PTPRN2: variants seen among roughly 807,000 people sequenced by gnomAD.
The protein encoded by PTPRN2 is receptor-type tyrosine-protein phosphatase N2.
In PTPRN2, 74 loss-of-function variants were observed where a neutral mutation model predicts 118.8. The ratio of observed to expected loss-of-function variants is 0.62; its 90% CI spans 0.52 to 0.76. PTPRN2 has a LOEUF of 0.76. PTPRN2 is among the 30% of genes least tolerant of loss of function. PTPRN2 has a pLI of 0.00. For synonymous variants in PTPRN2, 641 were observed against 608.0 expected (o/e 1.05, Z -0.80); for missense variants, 1,481 against 1,394.4 (o/e 1.06, Z -0.99).
At chr7:158,004,734 C>T (rs1468245139) in intron 11 of PTPRN2, among the ~76,000 whole-genome samples, 1 of 152,216 alleles carries the variant, frequency 6.6e-6, no homozygotes, top group Non-Finnish European at 1.5e-5. Context: ...TACAAACCAT[C>T]TCCTTCAAGC....
intron 3 of PTPRN2, among the ~76,000 whole-genome samples, chr7:158,217,961 A>G (rs1828070487): frequency 6.6e-6 from 1 of 152,208 alleles, no homozygotes; most frequent in South Asian, 2.1e-4. Context: ...GACCAAAACT[A>G]TGACTCACTG....
chr7:158,238,016 C>T (rs1426402332), intron 3 of PTPRN2, among the ~76,000 whole-genome samples: 1 of 152,154 alleles, frequency 6.6e-6, no homozygotes, highest in African/African-American at 2.4e-5. Context: ...TCCCGACGTC[C>T]CTGGAGGCCA....
intron 2 of PTPRN2, among the ~76,000 whole-genome samples, chr7:158,480,216 G>A (rs1174985946): frequency 6.6e-6 from 1 of 152,142 alleles, no homozygotes; most frequent in East Asian, 1.9e-4. Context: ...CGTGCTCATC[G>A]CCTGTCTCTG....
At chr7:157,934,243 T>C (rs1799570770) in intron 11 of PTPRN2, among the ~76,000 whole-genome samples, 2 of 152,246 alleles carry the variant, frequency 1.3e-5, no homozygotes, top group African/African-American at 2.4e-5. Context: ...AGAGCTATTC[T>C]GTGGTTCTCC....
chr7:158,491,391 G>A (rs1485495979), intron 1 of PTPRN2, among the ~76,000 whole-genome samples: 1 of 152,332 alleles, frequency 6.6e-6, no homozygotes, highest in East Asian at 1.9e-4. Context: ...CAGGCGGGTG[G>A]ACACCCCACC....
intron 12 of PTPRN2, among the ~76,000 whole-genome samples, chr7:157,726,730 G>C (rs1452544077): frequency 6.6e-6 from 1 of 152,220 alleles, no homozygotes; most frequent in African/African-American, 2.4e-5. Flanking sequence ...CATATAAAGG[G>C]GGAAAAGATT....
At chr7:158,239,862 AG>A (rs1217564593) in intron 3 of PTPRN2, among the ~76,000 whole-genome samples, 1 of 152,216 alleles carries the variant, frequency 6.6e-6, no homozygotes, top group East Asian at 1.9e-4. Context: ...GGGGCACTGG[AG>A]GATGCTATAA....
At chr7:158,121,105 TTC>T (rs1563462538) in intron 9 of PTPRN2, among the ~76,000 whole-genome samples, 2 of 152,136 alleles carry the variant, frequency 1.3e-5, no homozygotes, top group African/African-American at 4.8e-5. Flanking sequence ...GCCTGGGCTT[TTC>T]TCTCTGCCTG....
At chr7:158,417,403 CTGTGT>C (rs1350350794) in intron 2 of PTPRN2, among the ~76,000 whole-genome samples, 2 of 151,688 alleles carry the variant, frequency 1.3e-5, no homozygotes, top group Admixed American at 1.3e-4. Flanking sequence ...CAGTGTCCCG[CTGTGT>C]TAAGTCATGG....
intron 12 of PTPRN2, among the ~76,000 whole-genome samples, chr7:157,891,254 G>A (rs568107481): frequency 3.5e-4 from 53 of 152,268 alleles, no homozygotes; most frequent in African/African-American, 1.3e-3. Context: ...CCAAGCAACC[G>A]GGTAGGAGCT....
intron 1 of PTPRN2, among the ~76,000 whole-genome samples, chr7:158,512,542 A>G (rs1434107258): frequency 1.3e-5 from 2 of 152,106 alleles, no homozygotes; most frequent in Non-Finnish European, 2.9e-5. Flanking sequence ...ACATGCACAC[A>G]CTCACACACA....
chr7:157,885,343 G>A (rs901415997), intron 12 of PTPRN2, among the ~76,000 whole-genome samples: 3 of 152,164 alleles, frequency 2.0e-5, no homozygotes, highest in Non-Finnish European at 1.5e-5. Flanking sequence ...GTGGGCCTGG[G>A]CTGGGGGCAT....
intron 12 of PTPRN2, among the ~76,000 whole-genome samples, chr7:157,810,890 C>A (rs1041325864): frequency 2.0e-5 from 3 of 152,114 alleles, no homozygotes; most frequent in Admixed American, 6.5e-5. Flanking sequence ...CCCTCCCCAG[C>A]CACATCGGGG....
chr7:157,686,409 C>T (rs550250136), intron 12 of PTPRN2, among the ~76,000 whole-genome samples: 96 of 152,260 alleles, frequency 6.3e-4, no homozygotes, highest in African/African-American at 2.2e-3. Context: ...TGACTTGACT[C>T]CCTTTTTGTG....
chr7:158,265,891 T>C (rs1797838583), intron 3 of PTPRN2, among the ~76,000 whole-genome samples: 1 of 152,176 alleles, frequency 6.6e-6, no homozygotes, highest in Non-Finnish European at 1.5e-5. Context: ...AGAGTCTGCG[T>C]GGGGGCTGCG....
intron 9 of PTPRN2, among the ~76,000 whole-genome samples, chr7:158,113,095 T>C (rs1284347498): frequency 2.0e-5 from 3 of 151,274 alleles, no homozygotes; most frequent in African/African-American, 7.3e-5. Context: ...CAAAAGAGAA[T>C]GAAAAGGACT....
At chr7:157,564,268 G>A (rs1405203774) in intron 21 of PTPRN2, among the ~76,000 whole-genome samples, 2 of 152,174 alleles carry the variant, frequency 1.3e-5, no homozygotes, top group African/African-American at 4.8e-5. Context: ...AGTAGCATCT[G>A]CCACCACACC....
intron 11 of PTPRN2, among the ~76,000 whole-genome samples, chr7:157,984,081 C>T (rs984087139): frequency 6.6e-6 from 1 of 152,124 alleles, no homozygotes; most frequent in Non-Finnish European, 1.5e-5. Flanking sequence ...AGGAAAATGG[C>T]ATTTCATTAG....
At position 157,831,642 on chromosome 7, in the gene PTPRN2, A is replaced by G. The variant is rs530549205; in HGVS notation, c.1788+67031T>C. Among the ~76,000 whole-genome samples the G allele has an allele frequency of 6.6e-6, 1 of 151,524 alleles. No individual in the cohort carries two copies. Among genetic ancestry groups the G allele is most frequent in the East Asian group, 2.0e-4 (1 of 5,080 alleles). On this transcript the variant is annotated intron_variant, in intron 12 of 22. Coordinates refer to ENST00000389418, the MANE Select transcript of PTPRN2 (RefSeq NM_002847.5). The surrounding 1 kb of genome is among the most constrained non-coding windows in gnomAD (Gnocchi z 4.8). Reference sequence around the variant, plus strand: ...GTCAGAACGAGCAGGAAGACATCCAACCCTTATTGGGAGTCTACACAGGTG... The same window carrying G: ...GTCAGAACGAGCAGGAAGACATCCAGCCCTTATTGGGAGTCTACACAGGTG...
Sources: gnomAD v4.1 joint callset for allele counts (sites outside exome capture counted in the v4.1 genomes callset) on GRCh38, gnomAD v4.1.1 for gene constraint, Gnocchi (gnomAD v3.1) non-coding constraint, MANE v1.5 for transcripts, NCBI Gene and HGNC (gene_info 2026-07-23, HGNC 2026-07-21) for gene names.